The following ABLIM1 variants were observed in gnomAD, a reference collection of about 807,000 sequenced individuals.
ABLIM1 encodes the protein actin binding LIM protein 1.
In ABLIM1, 40 loss-of-function variants were observed where a neutral mutation model predicts 107.0. The observed-to-expected ratio is 0.37, with a 90% CI of 0.29 to 0.49. ABLIM1 has a LOEUF of 0.49. ABLIM1 is among the 20% of genes least tolerant of loss of function. The probability of loss-of-function intolerance (pLI) is 0.97; values close to 1 mark genes in which losing one functional copy is unlikely to be tolerated. For synonymous variants in ABLIM1, 357 were observed against 357.3 expected (o/e 1.00, Z 0.01); for missense variants, 857 against 1,008.5 (o/e 0.85, Z 2.04).
rs139687914 is a variant in ABLIM1 at position 114,751,088 on chromosome 10, T to A, written c.-213+16973A>T. ...CTATAAACAAGTGCTGCTTGGAATG[T>A]GAATGAATACCCAAAGAGGTAATCC... is the stretch of plus-strand genomic sequence containing the variant. On this transcript the variant is annotated intron_variant, in intron 1 of 15. Coordinates refer to the ABLIM1 transcript ENST00000651092. Among the ~76,000 whole-genome samples, 1,154 of 152,304 alleles carry A rather than the reference T, an allele frequency of 7.6e-3. 13 individuals are homozygous for A. Among genetic ancestry groups the A allele is most frequent in the African/African-American group, 0.026 (1,076 of 41,566 alleles).
intron 10 of ABLIM1, among the ~76,000 whole-genome samples, chr10:114,472,709 C>T (rs1260428315): frequency 2.0e-5 from 3 of 151,662 alleles, no homozygotes; most frequent in African/African-American, 7.3e-5. Context: ...TCACACAATC[C>T]CCACCCCCTC....
At chr10:114,487,803 C>A (rs905314862) in intron 8 of ABLIM1, among the ~76,000 whole-genome samples, 155 bp downstream of exon 8, 1 of 152,202 alleles carries the variant, frequency 6.6e-6, no homozygotes, top group African/African-American at 2.4e-5. Flanking sequence ...AAGAGGGGAA[C>A]CCTTTCCCTA....
chr10:114,747,767 C>T (rs1230609168), intron 1 of ABLIM1, among the ~76,000 whole-genome samples: 2 of 152,214 alleles, frequency 1.3e-5, no homozygotes, highest in African/African-American at 2.4e-5. Context: ...AGCCTGGGCA[C>T]GATGGCTCAC....
Position 114,486,305 on chromosome 10 carries a change from A to G in ABLIM1, c.1041+1653T>C, listed in dbSNP as rs539373361. On this transcript the variant is annotated intron_variant, in intron 8 of 22. Coordinates refer to ENST00000533213, the MANE Select transcript of ABLIM1 (RefSeq NM_002313.7). The stretch of plus-strand genomic sequence containing the variant: ...TGGCCTCATTAGCATTCCTCTCTTC[A>G]TCTCCCAAACGACTTCATCAGAGAT... Among the ~76,000 whole-genome samples, 26 of 152,234 alleles carry G rather than the reference A, an allele frequency of 1.7e-4. No individual in the cohort carries two copies. In the South Asian group the frequency reaches 5.2e-3, roughly 30 times the overall value.
intron 1 of ABLIM1, among the ~76,000 whole-genome samples, chr10:114,711,589 A>C (rs573164025): frequency 3.0e-4 from 45 of 152,256 alleles, no homozygotes; most frequent in African/African-American, 1.1e-3. Context: ...CAAAGGGGAT[A>C]TTTACAAAGG....
At chr10:114,507,298 G>A (rs1456338726) in intron 6 of ABLIM1, among the ~76,000 whole-genome samples, 2 of 152,162 alleles carry the variant, frequency 1.3e-5, no homozygotes, top group Non-Finnish European at 2.9e-5. Flanking sequence ...AACAATCATT[G>A]AGTAGTGGTT....
rs2138870104 is a variant in ABLIM1, at chr10:114,435,285, CAG to C, written c.*973_*974del. On this transcript the variant is annotated 3_prime_UTR_variant, in exon 23 of 23. Transcript: ENST00000533213. ...GGGCTTGATCTGATTCATAGGATGCCAGAGAGACAGCAGAGGATAACGACTGG... is the reference window on the plus strand; with the variant it reads ...GGGCTTGATCTGATTCATAGGATGCCAGAGACAGCAGAGGATAACGACTGG... The C allele has an allele frequency of 6.6e-6, 1 of 152,304 alleles. No individual in the cohort carries two copies. The highest frequency in any genetic ancestry group is 1.9e-4 in the East Asian group (1 of 5,190). The allele number at this position is 152,304 out of a possible 1,614,324, so 9.4% of individuals were successfully genotyped here.
rs1360244666 is a variant in ABLIM1 at position 114,472,969 on chromosome 10, T to C, written c.1275+8A>G. On this transcript the variant is annotated splice_region_variant and intron_variant, in intron 10 of 22. Transcript: ENST00000533213. ...TTGTACAACTCACAACCAGTAGGAA[T>C]GTATTACCTCTCCAAGGCTCTGTCT... The C allele has an allele frequency of 1.9e-6, 3 of 1,557,390 alleles. No individual in the cohort carries two copies. In the African/African-American group the frequency reaches 4.1e-5, roughly 21 times the overall value.
At chr10:114,572,545 T>C (rs2138837548) in intron 3 of ABLIM1, among the ~76,000 whole-genome samples, 1 of 152,334 alleles carries the variant, frequency 6.6e-6, no homozygotes, top group Middle Eastern at 3.4e-3. Context: ...CCACTTGTGA[T>C]GCTGTGTCAC....
At chr10:114,594,446 A>G (rs1055545675) in intron 2 of ABLIM1, among the ~76,000 whole-genome samples, 1 of 152,192 alleles carries the variant, frequency 6.6e-6, no homozygotes, top group Non-Finnish European at 1.5e-5. Flanking sequence ...GTGACTAGCT[A>G]TGCCATTAAA....
chr10:114,788,410 C>T, the ABLIM1 span, among the ~76,000 whole-genome samples: 2 of 147,588 alleles, frequency 1.4e-5, no homozygotes, highest in Non-Finnish European at 3.0e-5. Context: ...TGTGAGTCAA[C>T]TCCAAAAAAA....
At chr10:114,618,211 A>G (rs139759506) in intron 1 of ABLIM1, among the ~76,000 whole-genome samples, 15 of 152,320 alleles carry the variant, frequency 9.8e-5, no homozygotes, top group Non-Finnish European at 2.9e-5. Context: ...TGCGAATGTA[A>G]TTATTGTTCT....
intron 6 of ABLIM1, among the ~76,000 whole-genome samples, chr10:114,498,184 A>T (rs200002953): frequency 6.6e-6 from 1 of 152,172 alleles, no homozygotes; most frequent in Non-Finnish European, 1.5e-5. Context: ...TCCAAGCCTC[A>T]GGACACACAT....
At chr10:114,705,522 A>G (rs1281627897) in intron 1 of ABLIM1, among the ~76,000 whole-genome samples, 1 of 152,214 alleles carries the variant, frequency 6.6e-6, no homozygotes, top group African/African-American at 2.4e-5. Flanking sequence ...GAGGCTTGAC[A>G]TAACGAGTAA....
intron 1 of ABLIM1, among the ~76,000 whole-genome samples, chr10:114,767,236 C>T (rs2082917150): frequency 1.3e-5 from 2 of 152,132 alleles, no homozygotes; most frequent in Non-Finnish European, 1.5e-5. Context: ...TACAGGTTGC[C>T]TTCAGGGTAT....
rs573162504 is a variant in ABLIM1, at chr10:114,437,520, T to C, written c.2223+324A>G. 4.6e-5 allele frequency among the ~76,000 whole-genome samples: 7 copies of C among 150,732 alleles called. No individual in the cohort carries two copies. The East Asian group carries it at 1.2e-3, about 25-fold the overall frequency. ...TTTTAGTAGAGACAGGGTTTCACCG[T>C]GTTGGCCAGGCTGGTCTTGAACTCC... On this transcript the variant is annotated intron_variant, in intron 22 of 22. Transcript: ENST00000533213.
At chr10:114,447,628 T>C (rs995873463) in intron 15 of ABLIM1, among the ~76,000 whole-genome samples, 7 of 152,212 alleles carry the variant, frequency 4.6e-5, no homozygotes, top group African/African-American at 1.4e-4. Context: ...ATGCAAACCA[T>C]TGGTTTTAGA....
chr10:114,461,134 G>A (rs2063806732), intron 12 of ABLIM1, among the ~76,000 whole-genome samples: 1 of 151,460 alleles, frequency 6.6e-6, no homozygotes, highest in Non-Finnish European at 1.5e-5. Flanking sequence ...CTCGATCTCA[G>A]CTCACTGCAA....
chr10:114,644,486 T>A (rs1591715060), intron 1 of ABLIM1, among the ~76,000 whole-genome samples: 2 of 151,768 alleles, frequency 1.3e-5, no homozygotes, highest in Non-Finnish European at 2.9e-5. Context: ...CAATATGGAA[T>A]CATTGCCTAG....
Sources: gnomAD v4.1 joint callset for allele counts (sites outside exome capture counted in the v4.1 genomes callset) on GRCh38, gnomAD v4.1.1 for gene constraint, MANE v1.5 for transcripts, NCBI Gene and HGNC (gene_info 2026-07-23, HGNC 2026-07-21) for gene names.